DPYS: variants seen among roughly 807,000 people sequenced by gnomAD.
DPYS encodes dihydropyrimidinase.
A neutral mutation model predicts 50.3 loss-of-function variants in DPYS; 39 were observed. That is an observed-to-expected ratio of 0.78 (90% CI 0.60 to 1.01). DPYS has a LOEUF of 1.01. DPYS is among the 50% of genes least tolerant of loss of function. DPYS has a pLI of 0.00. For synonymous variants in DPYS, 245 were observed against 250.7 expected, an observed-to-expected ratio of 0.98 and a Z score of 0.22; for missense variants, 659 against 680.9, an observed-to-expected ratio of 0.97 and a Z score of 0.36.
At chr8:104,440,294 C>CTTTTTTTTTTTTTTTTTTTTTT (rs1564105066) in intron 4 of DPYS, among the ~76,000 whole-genome samples, 2 of 152,068 alleles carry the variant, frequency 1.3e-5, no homozygotes, top group African/African-American at 4.8e-5. Flanking sequence ...AATTGGATCT[C>CTTTTTTTTTTTTTTTTTTTTTT]CTTTGTGCCT....
intron 2 of DPYS, among the ~76,000 whole-genome samples, chr8:104,447,757 AT>A (rs1813588828): frequency 6.6e-6 from 1 of 152,180 alleles, no homozygotes; most frequent in African/African-American, 2.4e-5. Context: ...AAAGTGCTTT[AT>A]TTCTGTACTT....
Position 104,447,494 on chromosome 8 carries a change from C to T in DPYS, c.433G>A (p.Glu145Lys). 5 of 1,614,076 alleles carry T rather than the reference C, an allele frequency of 3.1e-6. No homozygotes were observed. The highest frequency in any genetic ancestry group is 4.2e-6 in the Non-Finnish European group (5 of 1,180,006). ...VTWWSDQVKEEMKILVQDKGV... is the reference protein window; with the variant it reads ...VTWWSDQVKEKMKILVQDKGV... ...TTATCTTGCACAAGGATTTTCATTT[C>T]TTCTTTAACCTAAAAGGAAGCAGCA... Residue 145 changes from glutamate to lysine, a missense_variant, in exon 3 of 10, where the codon GAA becomes AAA. Glu to Lys is a moderately conservative substitution (Grantham distance 56). Transcript: ENST00000351513.
At chr8:104,447,240 G>A (rs1813562839) in intron 3 of DPYS, 84 bp downstream of exon 3, 2 of 1,517,636 alleles carry the variant, frequency 1.3e-6, no homozygotes, top group African/African-American at 1.4e-5. Flanking sequence ...CATTAAATGA[G>A]TTTACCTATG....
At chr8:104,465,124 T>C (rs1219953169) in intron 1 of DPYS, among the ~76,000 whole-genome samples, 1 of 152,122 alleles carries the variant, frequency 6.6e-6, no homozygotes, top group Non-Finnish European at 1.5e-5. Context: ...CAGTCAATTA[T>C]AGAGGATTGG....
rs773332310 is a variant in DPYS at position 104,392,989 on chromosome 8, G to T, written c.1238C>A (p.Thr413Asn). The T allele has an allele frequency of 3.7e-6, 6 of 1,614,006 alleles. No individual in the cohort carries two copies. In the South Asian group the frequency reaches 5.5e-5, roughly 15 times the overall value. ...IVIWDPKGTR[T>N]ISAKTHHQAV... ...CTGATGATGAGTTTTTGCTGAGATAGTCCTATATTTGTGAAAACAACAAAA... is the reference window on the plus strand; with the variant it reads ...CTGATGATGAGTTTTTGCTGAGATATTCCTATATTTGTGAAAACAACAAAA... Residue 413 changes from threonine (T) to asparagine (N), a missense_variant and splice_region_variant, in exon 8 of 10, where the codon ACT becomes AAT. Transcript: ENST00000351513.
chr8:104,408,858 G>A (rs1239619025), intron 7 of DPYS, among the ~76,000 whole-genome samples: 7 of 150,884 alleles, frequency 4.6e-5, no homozygotes, highest in Non-Finnish European at 1.0e-4. Context: ...TTGTTGCCCA[G>A]GCTGGAATAC....
Position 104,444,262 on chromosome 8 carries a change from T to C in DPYS, c.779A>G (p.Asp260Gly), listed in dbSNP as rs747270672. The change falls in exon 4 of 10, where the codon GAT becomes GGT. Residue 260 changes from aspartate to glycine, a missense_variant. By Grantham distance (94) the Asp-to-Gly change is moderately conservative. Transcript: ENST00000351513. ...MSKSAAKVIA[D>G]ARRDGKVVYG... is the part of the protein sequence containing the mutation. ...TCGAGAATTACCATCTCTCCTTGCA[T>C]CCGCTATCACCTTAGCTGCAGACTT... 2 of 1,614,224 alleles carry C rather than the reference T, an allele frequency of 1.2e-6. No individual in the cohort carries two copies. Among genetic ancestry groups the C allele is most frequent in the Admixed American group, 1.7e-5 (1 of 60,030 alleles).
intron 7 of DPYS, among the ~76,000 whole-genome samples, chr8:104,416,936 C>T (rs1812389796): frequency 6.6e-6 from 1 of 152,080 alleles, no homozygotes; most frequent in Non-Finnish European, 1.5e-5. Flanking sequence ...ACACAAAAGG[C>T]CCCCTCTAGA....
At chr8:104,426,013 C>G (rs1431002390) in intron 6 of DPYS, among the ~76,000 whole-genome samples, 1 of 151,910 alleles carries the variant, frequency 6.6e-6, no homozygotes, top group Non-Finnish European at 1.5e-5. Context: ...TGAAAATCTG[C>G]TATAATAAAG....
At chr8:104,465,496 G>A (rs1251680414) in intron 1 of DPYS, among the ~76,000 whole-genome samples, 1 of 152,112 alleles carries the variant, frequency 6.6e-6, no homozygotes, top group Non-Finnish European at 1.5e-5. Flanking sequence ...GGGAGGATGT[G>A]GGCTTTACTT....
chr8:104,392,134 AT>A (rs1811407936), intron 8 of DPYS, among the ~76,000 whole-genome samples: 1 of 152,162 alleles, frequency 6.6e-6, no homozygotes, highest in African/African-American at 2.4e-5. Context: ...GACCTTGCAG[AT>A]CTTCAACTAA....
chr8:104,438,288 A>G (rs1412610194), intron 4 of DPYS, among the ~76,000 whole-genome samples: 1 of 152,216 alleles, frequency 6.6e-6, no homozygotes, highest in East Asian at 1.9e-4. Context: ...AATAGAAAGT[A>G]TGATGAAGAA....
intron 4 of DPYS, among the ~76,000 whole-genome samples, chr8:104,430,173 T>C (rs932685860): frequency 6.6e-6 from 1 of 152,178 alleles, no homozygotes; most frequent in Admixed American, 6.5e-5. Flanking sequence ...ACTACCCTGA[T>C]GACAGATAAT....
chr8:104,462,927 T>C (rs747176574), intron 1 of DPYS, among the ~76,000 whole-genome samples: 7 of 152,262 alleles, frequency 4.6e-5, no homozygotes, highest in East Asian at 1.9e-4. Flanking sequence ...CTTTTACCTG[T>C]AATTAAGCTA....
At chr8:104,443,869 G>A (rs1813435336) in intron 4 of DPYS, among the ~76,000 whole-genome samples, 1 of 152,158 alleles carries the variant, frequency 6.6e-6, no homozygotes, top group African/African-American at 2.4e-5. Flanking sequence ...CTCCAGCCTG[G>A]GCGACAAAGT....
At chr8:104,420,292 T>C (rs756004914) in intron 7 of DPYS, 3 of 152,164 alleles carry the variant, frequency 2.0e-5, no homozygotes, top group Non-Finnish European at 4.4e-5. Flanking sequence ...CAGCATAAAT[T>C]TTGGTCGGGA....
intron 3 of DPYS, among the ~76,000 whole-genome samples, chr8:104,445,670 T>C (rs922667116): frequency 1.3e-5 from 2 of 151,864 alleles, no homozygotes; most frequent in Non-Finnish European, 2.9e-5. Context: ...AAGGTAGGGA[T>C]GGTTTGTGTG....
intron 7 of DPYS, among the ~76,000 whole-genome samples, chr8:104,396,194 T>G (rs1396931670): frequency 1.3e-5 from 2 of 152,240 alleles, no homozygotes. Context: ...CCTGGGCTGC[T>G]GCATTCCTAC....
intron 4 of DPYS, among the ~76,000 whole-genome samples, chr8:104,431,034 T>C (rs1812937192): frequency 6.6e-6 from 1 of 152,184 alleles, no homozygotes; most frequent in African/African-American, 2.4e-5. Flanking sequence ...GATATTTTAT[T>C]TGCAAGTATG....
Sources: allele counts gnomAD v4.1 joint callset (sites outside exome capture counted in the v4.1 genomes callset), GRCh38; gene constraint gnomAD v4.1.1; transcripts MANE v1.5; gene names NCBI Gene and HGNC (gene_info 2026-07-23, HGNC 2026-07-21).